Variants in SEC24C observed in about 807,000 individuals in gnomAD.
The protein encoded by SEC24C is SEC24 homolog C, COPII component.
A neutral mutation model predicts 117.0 loss-of-function variants in SEC24C; 22 were observed. That is an observed-to-expected ratio of 0.19 (90% CI 0.13 to 0.27). The LOEUF is 0.27. Among genes scored for constraint, SEC24C ranks in the 10% least tolerant of loss-of-function variants. The pLI is 1.00. For synonymous variants in SEC24C, 506 were observed against 529.4 expected (o/e 0.96, Z 0.61); for missense variants, 1,155 against 1,375.1 (o/e 0.84, Z 2.53).
chr10:73,770,909 T>A, intron 22 of SEC24C, 46 bp from the exon 23 acceptor site: 1 of 1,613,788 alleles, frequency 6.2e-7, no homozygotes, highest in Non-Finnish European at 8.5e-7. Flanking sequence ...TGGGCATGTT[T>A]AATTTCCTTT....
chr10:73,768,676 A>G (rs931269554), intron 15 of SEC24C, 134 bp from the exon 16 acceptor site: 1 of 779,988 alleles, frequency 1.3e-6, no homozygotes, highest in South Asian at 1.6e-5. Flanking sequence ...TATTATTGTC[A>G]TCATCATTAT....
rs1224623310 is a variant in SEC24C, at chr10:73,770,938, C to G, written c.3145-17C>G. 2 of 1,614,120 alleles carry G rather than the reference C, an allele frequency of 1.2e-6. No homozygotes were observed. The highest frequency in any genetic ancestry group is 1.7e-5 in the Admixed American group (1 of 60,016). Reference sequence around the variant, plus strand: ...TTCCTTTGGCCTTGCCTTATGAACCCTGAATTCTGGCCGTAGCTTACCGTG... The same window carrying G: ...TTCCTTTGGCCTTGCCTTATGAACCGTGAATTCTGGCCGTAGCTTACCGTG... On this transcript the variant is annotated splice_polypyrimidine_tract_variant and intron_variant, in intron 22 of 22. Coordinates refer to ENST00000345254, the MANE Select transcript of SEC24C (RefSeq NM_198597.3).
rs762975285 is a variant in SEC24C, at chr10:73,763,494, A to G, written c.992A>G (p.Gln331Arg). The G allele has an allele frequency of 6.3e-7, 1 of 1,599,930 alleles. No homozygotes were observed. The highest frequency in any genetic ancestry group is 8.6e-7 in the Non-Finnish European group (1 of 1,167,510). The change falls in exon 7 of 23, where the codon CAG (glutamine) becomes CGG (arginine). Residue 331 changes from glutamine (Q) to arginine (R), a missense_variant. Gln to Arg is a conservative substitution (Grantham distance 43). This residue lies in a region of SEC24C where 759 missense variants were observed against 992.3 expected (regional missense o/e 0.76). Transcript: ENST00000345254. ...ATTCATTGCACTTCTCTGCAGATTC[A>G]GGTCATTGAAGATGACAGGAACAAC... ...LDPDAIPSPI[Q>R]VIEDDRNNRG...
chr10:73,748,881 A>C (rs2082602388), intron 2 of SEC24C, among the ~76,000 whole-genome samples: 1 of 151,808 alleles, frequency 6.6e-6, no homozygotes, highest in African/African-American at 2.4e-5. Flanking sequence ...TAGCTGGGAT[A>C]CAGGCACCCA....
Position 73,766,740 on chromosome 10 carries a change from T to A in SEC24C, c.1800-20T>A. ...ATCTGTATAGCAATTTTGGTTGTTTTCCGTCACCTATCTCTTTAGCTTATT... is the reference window on the plus strand; with the variant it reads ...ATCTGTATAGCAATTTTGGTTGTTTACCGTCACCTATCTCTTTAGCTTATT... On this transcript the variant is annotated intron_variant, in intron 12 of 22. Transcript: ENST00000345254. 6.2e-7 allele frequency: 1 copy of A among 1,610,632 alleles called. No individual in the cohort carries two copies. The highest frequency in any genetic ancestry group is 8.5e-7 in the Non-Finnish European group (1 of 1,177,030).
rs1162744325 is a variant in SEC24C, at chr10:73,765,910, T to C, written c.1477T>C (p.Cys493Arg). ...SYEFLATVDY[C>R]KNNKFPSPPA... is the part of the protein sequence containing the mutation. Reference sequence around the variant, plus strand: ...TGAATTCTTGGCCACTGTAGATTACTGCAAGGTGAGGGAAGGTAGCATGGG... The same window carrying C: ...TGAATTCTTGGCCACTGTAGATTACCGCAAGGTGAGGGAAGGTAGCATGGG... Residue 493 changes from cysteine (C) to arginine (R), a missense_variant, in exon 10 of 23, where the codon TGC (cysteine) becomes CGC (arginine). Around this residue, in one of 2 missense-constraint regions of SEC24C, gnomAD observed 759 missense variants for 992.3 expected, o/e 0.76. Transcript: ENST00000345254. 1 of 1,612,968 alleles carries C rather than the reference T, an allele frequency of 6.2e-7. No individual in the cohort carries two copies. The highest frequency in any genetic ancestry group is 2.2e-5 in the East Asian group (1 of 44,878).
Position 73,759,770 on chromosome 10 carries a change from C to G in SEC24C, c.457C>G (p.Pro153Ala), listed in dbSNP as rs1183446485. The G allele has an allele frequency of 6.3e-7, 1 of 1,596,298 alleles. No homozygotes were observed. Among genetic ancestry groups the G allele is most frequent in the Non-Finnish European group, 8.5e-7 (1 of 1,173,776 alleles). The stretch of plus-strand genomic sequence containing the variant: ...GATCAGCGGTGCTGTGGCCCCAGCC[C>G]CTCCTTCTTCAGGGCTGGGCTTTGG... Reference protein sequence around the residue: ...MQISGAVAPAPPSSGLGFGPP... With the variant: ...MQISGAVAPAAPSSGLGFGPP... The change falls in exon 4 of 23, where the codon CCT (proline) becomes GCT (alanine). Residue 153 changes from proline to alanine, a missense_variant. Physicochemically the swap from Pro to Ala is conservative, Grantham distance 27. Coordinates refer to ENST00000345254, the MANE Select transcript of SEC24C (RefSeq NM_198597.3).
At chr10:73,744,655 C>T (rs1364366975) in intron 1 of SEC24C, among the ~76,000 whole-genome samples, 1 of 152,172 alleles carries the variant, frequency 6.6e-6, no homozygotes, top group Non-Finnish European at 1.5e-5. Context: ...TGCCCCGAGC[C>T]TGTTAAAAGG....
At chr10:73,770,918 T>G in intron 22 of SEC24C, 37 bp from the exon 23 acceptor site, 1 of 1,614,026 alleles carries the variant, frequency 6.2e-7, no homozygotes, top group Non-Finnish European at 8.5e-7. Flanking sequence ...TTAATTTCCT[T>G]TGGCCTTGCC....
chr10:73,767,504 C>T (rs2082903179), intron 14 of SEC24C, among the ~76,000 whole-genome samples: 1 of 152,140 alleles, frequency 6.6e-6, no homozygotes, highest in East Asian at 1.9e-4. Flanking sequence ...CCCGTCTCTA[C>T]TAAAAATACA....
Position 73,759,647 on chromosome 10 carries a change from TC to T in SEC24C, c.338del (p.Pro113HisfsTer114). On this transcript the variant is annotated frameshift_variant, in exon 4 of 23. Coordinates refer to ENST00000345254, the MANE Select transcript of SEC24C (RefSeq NM_198597.3). LOFTEE classifies it high-confidence loss of function. ...GCTGCCTGGGTCTCAGCCATTTGGG[TC>T]CCCATTGGCCCCTGTGGGCAACCAG... ...QRLPGSQPFG[S>X]PLAPVGNQPP... 6.5e-7 allele frequency: 1 copy of T among 1,540,182 alleles called. No homozygotes were observed.
chr10:73,746,020 T>C (rs900369237), intron 1 of SEC24C, among the ~76,000 whole-genome samples: 5 of 150,988 alleles, frequency 3.3e-5, no homozygotes, highest in Non-Finnish European at 7.4e-5. Context: ...ACTAGCTGGG[T>C]GTGGTGGCAC....
At chr10:73,761,031 G>C (rs935014238) in intron 6 of SEC24C, among the ~76,000 whole-genome samples, 182 bp downstream of exon 6, 2 of 152,172 alleles carry the variant, frequency 1.3e-5, no homozygotes, top group Non-Finnish European at 2.9e-5. Flanking sequence ...CTTTTGGGGG[G>C]CTGTTTTACT....
intron 2 of SEC24C, among the ~76,000 whole-genome samples, chr10:73,748,449 T>G (rs115813780): frequency 0.013 from 1,955 of 150,112 alleles, 55 homozygotes; most frequent in African/African-American, 0.046. Flanking sequence ...TTTTAATATT[T>G]TTTGAGATGG....
In SEC24C at chr10:73,769,866, C is replaced by G; in HGVS notation, c.2713C>G (p.Pro905Ala). ...CCTTCCTGAGTGCATGAAGCTACTCCCAGTTTACCTGAACTGTGTGTTGAA... is the reference window on the plus strand; with the variant it reads ...CCTTCCTGAGTGCATGAAGCTACTCGCAGTTTACCTGAACTGTGTGTTGAA... ...LILPECMKLL[P>A]VYLNCVLKSD... is the part of the protein sequence containing the mutation. The change falls in exon 20 of 23, where the codon CCA (proline) becomes GCA (alanine). Residue 905 changes from proline (P) to alanine (A), a missense_variant. Physicochemically the swap from Pro to Ala is conservative, Grantham distance 27. Transcript: ENST00000345254. The surrounding 1 kb of genome is among the most constrained non-coding windows in gnomAD (Gnocchi z 4.5). The G allele has an allele frequency of 1.2e-6, 2 of 1,614,148 alleles. No homozygotes were observed. Among genetic ancestry groups the G allele is most frequent in the Non-Finnish European group, 1.7e-6 (2 of 1,180,032 alleles).
At chr10:73,757,938 A>C (rs938367055) in intron 3 of SEC24C, among the ~76,000 whole-genome samples, 8 of 150,244 alleles carry the variant, frequency 5.3e-5, no homozygotes, top group South Asian at 2.1e-4. Context: ...AAAAAAAAAA[A>C]AAAAAAAAAA....
At position 73,751,249 on chromosome 10, in the gene SEC24C, T is replaced by C; in HGVS notation, c.308+6T>C. On this transcript the variant is annotated splice_donor_region_variant and intron_variant, in intron 3 of 22. Coordinates refer to ENST00000345254, the MANE Select transcript of SEC24C (RefSeq NM_198597.3). Reference sequence around the variant, plus strand: ...TCCACTGTTCAGATGCAAAGGTAGGTACTTGGTCAATCTAAAATTGGTCTG... The same window carrying C: ...TCCACTGTTCAGATGCAAAGGTAGGCACTTGGTCAATCTAAAATTGGTCTG... 1 of 1,610,974 alleles carries C rather than the reference T, an allele frequency of 6.2e-7. No homozygotes were observed. The highest frequency in any genetic ancestry group is 1.7e-4 in the Middle Eastern group (1 of 6,056).
chr10:73,766,335 T>C lies in SEC24C; in HGVS notation c.1608-15T>C. On this transcript the variant is annotated splice_polypyrimidine_tract_variant and intron_variant, in intron 11 of 22. Transcript: ENST00000345254. ...AAAAGGTGGCAAGTCTAGGTAACAA[T>C]GTCACCTTCTACAGGGAGGGTGGGG... The C allele has an allele frequency of 6.3e-7, 1 of 1,591,416 alleles. No individual in the cohort carries two copies. The highest frequency in any genetic ancestry group is 8.6e-7 in the Non-Finnish European group (1 of 1,166,298).
chr10:73,744,440 G>C lies in SEC24C; in HGVS notation c.-29+3G>C, dbSNP rs2082511624. 6.5e-6 allele frequency: 1 copy of C among 152,962 alleles called. No individual in the cohort carries two copies. Among genetic ancestry groups the C allele is most frequent in the Non-Finnish European group, 1.5e-5 (1 of 68,286 alleles). The allele number at this position is 152,962 out of a possible 1,614,324, so 9.5% of individuals were successfully genotyped here. ...GTCTAACCTGGATCTGGAGCCGGGT[G>C]AGGAGTGGCATCGGGAGGTTGGCGG... On this transcript the variant is annotated splice_donor_region_variant and intron_variant, in intron 1 of 22. Transcript: ENST00000345254.
Sources: gnomAD v4.1 joint callset for allele counts (sites outside exome capture counted in the v4.1 genomes callset) on GRCh38, gnomAD v4.1.1 for gene constraint, gnomAD v4.1.1 regional missense constraint, Gnocchi (gnomAD v3.1) non-coding constraint, MANE v1.5 for transcripts, NCBI Gene and HGNC (gene_info 2026-07-23, HGNC 2026-07-21) for gene names.